PDE12: variants seen among roughly 807,000 people sequenced by gnomAD.
The protein encoded by PDE12 is 2',5'-phosphodiesterase 12.
In PDE12, 26 loss-of-function variants were observed where a neutral mutation model predicts 45.4. The observed-to-expected ratio is 0.57, with a 90% confidence interval of 0.42 to 0.79. PDE12 has a LOEUF of 0.79. Ranked by LOEUF, PDE12 falls within the 30% of genes least tolerant of loss-of-function variation. The pLI is 0.00. For missense variants in PDE12, 668 were observed against 790.0 expected (o/e 0.85, Z 1.85); for synonymous variants, 283 against 323.9 (o/e 0.87, Z 1.36).
the PDE12 span, among the ~76,000 whole-genome samples, chr3:57,619,863 A>G: frequency 6.6e-6 from 1 of 151,234 alleles, no homozygotes; most frequent in Non-Finnish European, 1.5e-5. Context: ...AAATAAATAA[A>G]TAAATCAAAT....
At chr3:57,558,648 G>T (rs1343697843) in intron 1 of PDE12, among the ~76,000 whole-genome samples, 5 of 151,864 alleles carry the variant, frequency 3.3e-5, no homozygotes, top group Admixed American at 1.3e-4. Flanking sequence ...GTGCCACCAC[G>T]CCCGGCTAAT....
chr3:57,614,229 C>T, the PDE12 span, among the ~76,000 whole-genome samples: 1 of 152,080 alleles, frequency 6.6e-6, no homozygotes, highest in Non-Finnish European at 1.5e-5. Context: ...CAAGTGTGTA[C>T]CCAGAACATT....
chr3:57,560,299 C>T lies in PDE12; in HGVS notation c.*295C>T, dbSNP rs2069714278. ...TCTCAGAAAAGGAAGATTGAATTAG[C>T]GTGTTTTTTGTTTGTTTGTTTTTGT... On this transcript the variant is annotated 3_prime_UTR_variant, in exon 3 of 3. Coordinates refer to ENST00000311180, the MANE Select transcript of PDE12 (RefSeq NM_177966.7). 1.7e-6 allele frequency: 2 copies of T among 1,144,812 alleles called. No individual in the cohort carries two copies. The highest frequency in any genetic ancestry group is 6.3e-5 in the South Asian group (2 of 31,508). 70.9% of individuals were successfully genotyped at this position (1,144,812 alleles called of 1,614,324 possible).
chr3:57,616,374 A>AG, the PDE12 span, among the ~76,000 whole-genome samples: 1,973 of 146,224 alleles, frequency 0.013, 50 homozygotes, highest in African/African-American at 0.046. Flanking sequence ...AGGAGGAGGC[A>AG]GGGGGGAGGA....
Position 57,557,614 on chromosome 3 carries a change from A to G in PDE12, c.1235A>G (p.Lys412Arg). Residue 412 changes from lysine (K) to arginine (R), a missense_variant, in exon 1 of 3, where the codon AAA (lysine) becomes AGA (arginine). Lys to Arg is a conservative substitution (Grantham distance 26, BLOSUM62 2). Transcript: ENST00000311180. The part of the protein sequence containing the change: ...YEALESDPLH[K>R]ELLEKLVLYP... Reference sequence around the variant, plus strand: ...GCCCTCGAGTCCGACCCACTTCACAAAGAACTGCTGGAGAAACTAGTTTTG... The same window carrying G: ...GCCCTCGAGTCCGACCCACTTCACAGAGAACTGCTGGAGAAACTAGTTTTG... 10 of 1,614,092 alleles carry G rather than the reference A, an allele frequency of 6.2e-6. No individual in the cohort carries two copies. The highest frequency in any genetic ancestry group is 8.5e-6 in the Non-Finnish European group (10 of 1,180,014).
At chr3:57,613,639 G>A in the PDE12 span, among the ~76,000 whole-genome samples, 3 of 151,534 alleles carry the variant, frequency 2.0e-5, no homozygotes, top group East Asian at 2.0e-4. Context: ...TGTGGCTCAC[G>A]CCTGTAATCC....
the PDE12 span, chr3:57,633,235 A>T: frequency 1.9e-6 from 3 of 1,569,788 alleles, no homozygotes; most frequent in Non-Finnish European, 1.8e-6. Context: ...CAAATCATTA[A>T]ATTATGCAAA....
the PDE12 span, among the ~76,000 whole-genome samples, chr3:57,578,075 G>A: frequency 1.3e-5 from 2 of 151,816 alleles, no homozygotes; most frequent in Non-Finnish European, 2.9e-5. Context: ...AAAACCCCAT[G>A]AATTTACTAA....
the PDE12 span, among the ~76,000 whole-genome samples, chr3:57,608,879 C>G: frequency 6.6e-6 from 1 of 152,148 alleles, no homozygotes; most frequent in South Asian, 2.1e-4. Flanking sequence ...AGCTCTGCAC[C>G]AAGTGGACCT....
At chr3:57,584,215 G>A in the PDE12 span, among the ~76,000 whole-genome samples, 2 of 152,008 alleles carry the variant, frequency 1.3e-5, no homozygotes, top group African/African-American at 4.8e-5. Context: ...CACCCGCCTC[G>A]GCCTCCCAAA....
chr3:57,626,658 G>A, the PDE12 span: 1 of 152,004 alleles, frequency 6.6e-6, no homozygotes, highest in African/African-American at 2.4e-5. Context: ...GCAGTCAGCC[G>A]AGATTGCGCC....
chr3:57,571,146 C>T (rs1381112860), downstream of PDE12, among the ~76,000 whole-genome samples: 1 of 151,968 alleles, frequency 6.6e-6, no homozygotes. Flanking sequence ...CCAGGCCCTC[C>T]TTTTACCCTT....
the PDE12 span, among the ~76,000 whole-genome samples, chr3:57,607,361 C>T: frequency 6.6e-6 from 1 of 152,140 alleles, no homozygotes; most frequent in Non-Finnish European, 1.5e-5. Flanking sequence ...AACGCAGCTC[C>T]TCACCAGCAA....
rs532508366 is a variant in PDE12 at position 57,563,297 on chromosome 3, A to T, written c.*3293A>T. The T allele has an allele frequency of 3.9e-5, 6 of 152,218 alleles. No individual in the cohort carries two copies. The South Asian group carries it at 1.2e-3, about 32-fold the overall frequency. The allele number at this position is 152,218 out of a possible 1,614,324, so 9.4% of individuals were successfully genotyped here. On this transcript the variant is annotated 3_prime_UTR_variant, in exon 3 of 3. Coordinates refer to ENST00000311180, the MANE Select transcript of PDE12 (RefSeq NM_177966.7). The stretch of plus-strand genomic sequence containing the variant: ...AATGATCCTCCTGCCTCAGCGTCCC[A>T]AGTAGTTGAGATTACAAGCCCAACC...
the PDE12 span, among the ~76,000 whole-genome samples, chr3:57,625,038 A>G: frequency 6.6e-6 from 1 of 152,034 alleles, no homozygotes; most frequent in Non-Finnish European, 1.5e-5. Context: ...TGAGTAGCTG[A>G]GACTGCAGGC....
chr3:57,618,645 G>A, the PDE12 span, among the ~76,000 whole-genome samples: 3 of 114,770 alleles, frequency 2.6e-5, no homozygotes, highest in South Asian at 6.4e-4. Context: ...AGTTTCGCTC[G>A]TTGCCCAGGC....
the PDE12 span, among the ~76,000 whole-genome samples, chr3:57,610,491 A>G: frequency 1.3e-5 from 2 of 150,200 alleles, no homozygotes; most frequent in African/African-American, 4.8e-5. Flanking sequence ...AAACCCCATC[A>G]TCTCCGCCCA....
At chr3:57,617,086 C>A in the PDE12 span, among the ~76,000 whole-genome samples, 10 of 151,234 alleles carry the variant, frequency 6.6e-5, no homozygotes, top group Admixed American at 2.0e-4. Context: ...TGTAAAAATT[C>A]AAAAAAAATT....
the PDE12 span, chr3:57,631,290 G>A: frequency 2.1e-4 from 44 of 213,326 alleles, no homozygotes; most frequent in East Asian, 4.7e-3. Flanking sequence ...TCTGCCCCCC[G>A]GGTTCAAGCG....
Sources: gnomAD v4.1 joint callset for allele counts (sites outside exome capture counted in the v4.1 genomes callset) on GRCh38, gnomAD v4.1.1 for gene constraint, MANE v1.5 for transcripts, NCBI Gene and HGNC (gene_info 2026-07-23, HGNC 2026-07-21) for gene names.